The following PCBD2 variants were observed in gnomAD, a reference collection of about 807,000 sequenced individuals.
The protein encoded by PCBD2 is pterin-4-alpha-carbinolamine dehydratase 2.
PCBD2 carries 12 observed loss-of-function variants against 16.4 expected under a neutral mutation model. The ratio of observed to expected loss-of-function variants is 0.73; its 90% CI spans 0.47 to 1.19. The LOEUF (loss-of-function observed/expected upper bound fraction) is 1.19, where lower values mean the gene tolerates loss of function less well. Among genes scored for constraint, PCBD2 ranks in the 50% most tolerant of loss-of-function variants. The pLI is 0.00. For missense variants in PCBD2, 138 were observed against 156.8 expected (o/e 0.88, Z 0.64); for synonymous variants, 58 against 61.8 (o/e 0.94, Z 0.29).
intron 2 of PCBD2, among the ~76,000 whole-genome samples, chr5:134,943,240 A>T (rs1027811631): frequency 6.6e-6 from 1 of 152,214 alleles, no homozygotes; most frequent in Non-Finnish European, 1.5e-5. Context: ...TCATGAGGCC[A>T]TAGAAATCCA....
At chr5:134,948,218 C>G (rs1751320805) in intron 2 of PCBD2, among the ~76,000 whole-genome samples, 3 of 152,074 alleles carry the variant, frequency 2.0e-5, no homozygotes. Flanking sequence ...ATTGGTCTGC[C>G]CAATAGTAGC....
chr5:134,927,891 A>T (rs1372283016), intron 2 of PCBD2: 24 of 396,742 alleles, frequency 6.0e-5, no homozygotes, highest in Middle Eastern at 1.2e-3. Flanking sequence ...GCAGCTAAAT[A>T]GGTTGTTGTT....
intron 2 of PCBD2, chr5:134,926,602 G>A (rs534206959): frequency 2.5e-6 from 1 of 396,178 alleles, no homozygotes; most frequent in African/African-American, 2.1e-5. Context: ...TAAATAAGGG[G>A]TCGTGAGCCT....
At chr5:134,919,576 A>G (rs1750877505) in intron 2 of PCBD2, among the ~76,000 whole-genome samples, 1 of 152,226 alleles carries the variant, frequency 6.6e-6, no homozygotes. Context: ...ACTTGGTATA[A>G]AGTGGTCACA....
intron 2 of PCBD2, chr5:134,925,351 G>A (rs1205462690): frequency 2.5e-6 from 1 of 398,282 alleles, no homozygotes; most frequent in Non-Finnish European, 4.4e-6. Flanking sequence ...GAGGGAGGTT[G>A]AAGTAAGAGG....
In PCBD2 at chr5:134,919,388, G is replaced by C. The variant is rs77277849; in HGVS notation, c.216+8922G>C. On this transcript the variant is annotated intron_variant, in intron 2 of 3. Transcript: ENST00000254908. The stretch of plus-strand genomic sequence containing the variant: ...TGGAAAATGTTGTGGGTTTAAATCT[G>C]TGCCAGGTTTAGACTGTGAATATCA... 3.4e-3 allele frequency among the ~76,000 whole-genome samples: 519 copies of C among 152,214 alleles called. 9 individuals are homozygous for C. The East Asian group carries it at 0.038, about 11-fold the overall frequency.
rs566081513 is a variant in PCBD2, at chr5:134,961,254, G to C, written c.*573G>C. On this transcript the variant is annotated 3_prime_UTR_variant, in exon 4 of 4. Coordinates refer to ENST00000254908, the MANE Select transcript of PCBD2 (RefSeq NM_032151.5). ...CATATACCTAAGATAAACCAACCCA[G>C]TTACTTATATTAATAATATTCAGAA... The C allele has an allele frequency of 6.6e-6, 1 of 150,672 alleles. No individual in the cohort carries two copies. The highest frequency in any genetic ancestry group is 2.1e-4 in the South Asian group (1 of 4,774). 9.3% of individuals were successfully genotyped at this position (150,672 alleles called of 1,614,324 possible). A position where few individuals can be genotyped will look rare whatever the true frequency, so the allele number is the denominator to read the frequency against.
intron 2 of PCBD2, chr5:134,926,397 G>T: frequency 2.6e-6 from 1 of 387,210 alleles, no homozygotes; most frequent in South Asian, 1.4e-4. Context: ...TAATGAGGGT[G>T]GTAAGGATAG....
intron 2 of PCBD2, chr5:134,925,366 G>A: frequency 2.5e-6 from 1 of 398,462 alleles, no homozygotes; most frequent in Admixed American, 4.4e-5. Flanking sequence ...AAGAGGTATG[G>A]TTTTGAGTAG....
intron 2 of PCBD2, chr5:134,923,845 T>C (rs1750942266): frequency 5.1e-6 from 2 of 394,042 alleles, no homozygotes; most frequent in Non-Finnish European, 9.0e-6. Flanking sequence ...TCTCGGGTGA[T>C]ATGGGCGATC....
At chr5:134,918,913 C>A (rs1750866756) in intron 2 of PCBD2, among the ~76,000 whole-genome samples, 1 of 152,116 alleles carries the variant, frequency 6.6e-6, no homozygotes, top group Admixed American at 6.5e-5. Flanking sequence ...AGCTTTGTTG[C>A]TGCTGATTGT....
chr5:134,905,375 G>C (rs1750672287), intron 1 of PCBD2, 152 bp downstream of exon 1: 1 of 588,996 alleles, frequency 1.7e-6, no homozygotes. Flanking sequence ...TCCCGGGACT[G>C]ACCACCTGTC....
intron 2 of PCBD2, among the ~76,000 whole-genome samples, chr5:134,939,890 A>G (rs1483158771): frequency 1.3e-5 from 2 of 152,044 alleles, no homozygotes; most frequent in Non-Finnish European, 2.9e-5. Context: ...TAAACAATGT[A>G]ATTGCTGGCA....
chr5:134,935,211 T>A (rs1751144835), intron 2 of PCBD2, among the ~76,000 whole-genome samples: 1 of 152,226 alleles, frequency 6.6e-6, no homozygotes, highest in Non-Finnish European at 1.5e-5. Flanking sequence ...ATTGGGTTGT[T>A]GTAAATTATG....
At chr5:134,934,269 AT>A (rs1015599980) in intron 2 of PCBD2, among the ~76,000 whole-genome samples, 39 of 151,738 alleles carry the variant, frequency 2.6e-4, no homozygotes, top group African/African-American at 8.8e-4. Flanking sequence ...ACTTATAATG[AT>A]TTTAAAAAAA....
chr5:134,920,047 C>T (rs1750884212), intron 2 of PCBD2, among the ~76,000 whole-genome samples: 1 of 152,192 alleles, frequency 6.6e-6, no homozygotes, highest in Non-Finnish European at 1.5e-5. Context: ...GGGATTCGGT[C>T]CAGCGGTGTG....
intron 2 of PCBD2, among the ~76,000 whole-genome samples, chr5:134,917,991 G>T (rs1750853432): frequency 6.6e-6 from 1 of 152,216 alleles, no homozygotes; most frequent in South Asian, 2.1e-4. Flanking sequence ...GACAACTGCT[G>T]ATGAAAGTCT....
chr5:134,959,133 C>T lies in PCBD2; in HGVS notation c.297+13C>T, dbSNP rs1200560542. On this transcript the variant is annotated intron_variant, in intron 3 of 3. Transcript: ENST00000254908. Reference sequence around the variant, plus strand: ...TGTATACAACAAGGTAACTAAACTGCCTTATTTGGGAATCACCTTAATTAT... The same window carrying T: ...TGTATACAACAAGGTAACTAAACTGTCTTATTTGGGAATCACCTTAATTAT... The T allele has an allele frequency of 6.3e-7, 1 of 1,585,544 alleles. No individual in the cohort carries two copies. Among genetic ancestry groups the T allele is most frequent in the South Asian group, 1.1e-5 (1 of 89,038 alleles).
chr5:134,944,250 G>A (rs9327697), intron 2 of PCBD2, among the ~76,000 whole-genome samples: 17,763 of 152,212 alleles, frequency 0.12, 1,287 homozygotes, highest in East Asian at 0.26. Context: ...TGAGGAGGGT[G>A]AAGGTATTTG....
Sources: allele counts gnomAD v4.1 joint callset (sites outside exome capture counted in the v4.1 genomes callset), GRCh38; gene constraint gnomAD v4.1.1; transcripts MANE v1.5; gene names NCBI Gene and HGNC (gene_info 2026-07-23, HGNC 2026-07-21).